The following CAMSAP1 variants were observed in gnomAD, a reference collection of about 807,000 sequenced individuals.
CAMSAP1 encodes calmodulin regulated spectrin associated protein 1.
Under a neutral mutation model 143.5 loss-of-function variants are expected in CAMSAP1, and 58 were observed. That is an observed-to-expected ratio of 0.40 (90% CI 0.33 to 0.50). CAMSAP1 has a LOEUF of 0.50. Among genes scored for constraint, CAMSAP1 ranks in the 20% least tolerant of loss-of-function variants. CAMSAP1 has a pLI of 0.45. For synonymous variants in CAMSAP1, 945 were observed against 859.3 expected, an observed-to-expected ratio of 1.10 and a Z score of -1.74; for missense variants, 1,969 against 2,115.7, an observed-to-expected ratio of 0.93 and a Z score of 1.36.
At chr9:135,853,862 A>T (rs1483623723) in intron 5 of CAMSAP1, among the ~76,000 whole-genome samples, 11 of 152,246 alleles carry the variant, frequency 7.2e-5, no homozygotes, top group Non-Finnish European at 1.6e-4. Flanking sequence ...ATGAGGTCCA[A>T]TCAAGTCCCT....
intron 4 of CAMSAP1, 142 bp from the exon 5 acceptor site, chr9:135,862,750 T>C (rs1837243577): frequency 6.7e-6 from 6 of 898,958 alleles, no homozygotes; most frequent in African/African-American, 1.7e-5. Context: ...TAGAAAGAGT[T>C]AGAAACGTCT....
intron 3 of CAMSAP1, among the ~76,000 whole-genome samples, chr9:135,877,346 G>A (rs751310758): frequency 1.3e-5 from 2 of 152,046 alleles, no homozygotes; most frequent in Admixed American, 6.5e-5. Flanking sequence ...TGGGGTAGAG[G>A]ATTAACTGCA....
intron 3 of CAMSAP1, among the ~76,000 whole-genome samples, chr9:135,878,979 A>T (rs1442907445): frequency 6.6e-6 from 1 of 152,246 alleles, no homozygotes; most frequent in African/African-American, 2.4e-5. Flanking sequence ...GGAAAAACAA[A>T]GCATAATACA....
chr9:135,837,984 C>G (rs553182499), intron 7 of CAMSAP1, among the ~76,000 whole-genome samples: 2 of 150,552 alleles, frequency 1.3e-5, no homozygotes, highest in Admixed American at 1.3e-4. Context: ...CACATCATCA[C>G]ACGCTTTCTA....
chr9:135,817,728 G>A, intron 14 of CAMSAP1: 2 of 463,044 alleles, frequency 4.3e-6, no homozygotes, highest in Non-Finnish European at 7.9e-6. Context: ...TGAAGAAGCA[G>A]GTGTGCACGT....
intron 5 of CAMSAP1, among the ~76,000 whole-genome samples, chr9:135,861,912 C>A (rs1233764381): frequency 6.6e-6 from 1 of 152,208 alleles, no homozygotes. Flanking sequence ...GGTGTAAACA[C>A]CTGGAGGGAG....
chr9:135,884,815 C>T (rs549834938), intron 1 of CAMSAP1, among the ~76,000 whole-genome samples: 1 of 152,308 alleles, frequency 6.6e-6, no homozygotes, highest in African/African-American at 2.4e-5. Flanking sequence ...ACCCCGCACA[C>T]GCCGGAGTGA....
intron 1 of CAMSAP1, among the ~76,000 whole-genome samples, chr9:135,892,239 G>C (rs1360373645): frequency 1.3e-5 from 2 of 152,062 alleles, no homozygotes; most frequent in Non-Finnish European, 2.9e-5. Context: ...GAAGACCAAA[G>C]GTGACGAAAC....
chr9:135,839,476 C>T (rs1466247426), intron 7 of CAMSAP1, among the ~76,000 whole-genome samples: 1 of 152,182 alleles, frequency 6.6e-6, no homozygotes, highest in African/African-American at 2.4e-5. Flanking sequence ...CTACAGGTAT[C>T]AGTGGAGGGA....
chr9:135,862,158 C>T (rs993592392), intron 5 of CAMSAP1, among the ~76,000 whole-genome samples: 13 of 151,888 alleles, frequency 8.6e-5, no homozygotes, highest in Admixed American at 2.6e-4. Flanking sequence ...CCCTCTCCAC[C>T]ACCCCCCGCC....
Position 135,810,365 on chromosome 9 carries a change from G to A in CAMSAP1, c.*944C>T, listed in dbSNP as rs1835003948. 6.6e-6 allele frequency: 1 copy of A among 152,200 alleles called. No individual in the cohort carries two copies. The highest frequency in any genetic ancestry group is 6.5e-5 in the Admixed American group (1 of 15,278). 9.4% of individuals were successfully genotyped at this position (152,200 alleles called of 1,614,324 possible). A position where few individuals can be genotyped will look rare whatever the true frequency, so the allele number is the denominator to read the frequency against. ...GCCGTGACCTAACAAAACCACTGAAGGGACTGTCAGCTTAAGTGCATCACC... is the reference window on the plus strand; with the variant it reads ...GCCGTGACCTAACAAAACCACTGAAAGGACTGTCAGCTTAAGTGCATCACC... On this transcript the variant is annotated 3_prime_UTR_variant, in exon 17 of 17. Coordinates refer to ENST00000389532, the MANE Select transcript of CAMSAP1 (RefSeq NM_015447.4).
At position 135,863,752 on chromosome 9, in the gene CAMSAP1, C is replaced by A. The variant is rs968146650; in HGVS notation, c.667-1144G>T. ...TAACTTGTTTCTCGGGAGCCCACGG[C>A]ACACACTACAAAACGTGACCCGCCT... On this transcript the variant is annotated intron_variant, in intron 4 of 16. Transcript: ENST00000389532. Among the ~76,000 whole-genome samples, 4 of 152,294 alleles carry A rather than the reference C, an allele frequency of 2.6e-5. No individual in the cohort carries two copies. In the East Asian group the frequency reaches 7.7e-4, roughly 29 times the overall value.
At chr9:135,904,813 A>C (rs1838723415) in intron 1 of CAMSAP1, among the ~76,000 whole-genome samples, 1 of 152,140 alleles carries the variant, frequency 6.6e-6, no homozygotes, top group Non-Finnish European at 1.5e-5. Flanking sequence ...AAAAATACAA[A>C]AACTGGCCGG....
chr9:135,837,998 CT>C (rs1836157378), intron 7 of CAMSAP1, among the ~76,000 whole-genome samples: 1 of 145,938 alleles, frequency 6.9e-6, no homozygotes, highest in African/African-American at 2.6e-5. Context: ...CTTTCTACCC[CT>C]TCTACAGACA....
chr9:135,872,077 G>A (rs1478668416), intron 3 of CAMSAP1, among the ~76,000 whole-genome samples: 4 of 151,716 alleles, frequency 2.6e-5, no homozygotes, highest in Admixed American at 2.6e-4. Flanking sequence ...TCCAACCTGG[G>A]TAACAAGAGC....
At chr9:135,843,355 C>T (rs1836432565) in intron 7 of CAMSAP1, among the ~76,000 whole-genome samples, 1 of 152,018 alleles carries the variant, frequency 6.6e-6, no homozygotes, top group Non-Finnish European at 1.5e-5. Context: ...AGACAGACTG[C>T]AAATTGGATA....
At chr9:135,829,917 AAT>A (rs970702560) in intron 7 of CAMSAP1, among the ~76,000 whole-genome samples, 15 of 152,194 alleles carry the variant, frequency 9.9e-5, no homozygotes, top group African/African-American at 3.4e-4. Context: ...CAATTACATA[AAT>A]AGTTATGTAT....
chr9:135,832,552 G>A (rs1459570029), intron 7 of CAMSAP1, among the ~76,000 whole-genome samples: 1 of 152,024 alleles, frequency 6.6e-6, no homozygotes, highest in Non-Finnish European at 1.5e-5. Context: ...ACACAGTACT[G>A]GAAATTCTAG....
chr9:135,900,981 C>T (rs554421036), intron 1 of CAMSAP1, among the ~76,000 whole-genome samples: 5 of 152,178 alleles, frequency 3.3e-5, no homozygotes, highest in South Asian at 2.1e-4. Flanking sequence ...CTCAAACTCC[C>T]GACCTCAGGT....
Sources: allele counts gnomAD v4.1 joint callset (sites outside exome capture counted in the v4.1 genomes callset), GRCh38; gene constraint gnomAD v4.1.1; transcripts MANE v1.5; gene names NCBI Gene and HGNC (gene_info 2026-07-23, HGNC 2026-07-21).